The following CA5A variants were observed in gnomAD, a reference collection of about 807,000 sequenced individuals.
The protein encoded by CA5A is carbonic anhydrase 5A, mitochondrial.
In CA5A, 28 loss-of-function variants were observed where a neutral mutation model predicts 37.1. The observed-to-expected ratio is 0.75, with a 90% CI of 0.56 to 1.03. The LOEUF is 1.03. Ranked by LOEUF, CA5A falls within the 50% of genes least tolerant of loss-of-function variation. CA5A has a pLI of 0.00. For synonymous variants in CA5A, 171 were observed against 158.4 expected, an observed-to-expected ratio of 1.08 and a Z score of -0.60; for missense variants, 444 against 399.9, an observed-to-expected ratio of 1.11 and a Z score of -0.94.
intron 2 of CA5A, among the ~76,000 whole-genome samples, chr16:87,910,488 T>G (rs1232080447): frequency 1.3e-5 from 2 of 152,162 alleles, no homozygotes; most frequent in Non-Finnish European, 2.9e-5. Context: ...TCAGCTTTTG[T>G]AGTAGGGTTC....
chr16:87,930,966 C>T (rs1357958214), intron 1 of CA5A, among the ~76,000 whole-genome samples: 5 of 151,824 alleles, frequency 3.3e-5, no homozygotes, highest in Non-Finnish European at 7.4e-5. Context: ...GTCTCGATCT[C>T]CTGACCTTGT....
At chr16:87,914,266 G>A (rs542483543) in intron 2 of CA5A, among the ~76,000 whole-genome samples, 2 of 152,340 alleles carry the variant, frequency 1.3e-5, no homozygotes, top group East Asian at 1.9e-4. Flanking sequence ...AGGCATTACC[G>A]CCTGATGGGG....
intron 6 of CA5A, among the ~76,000 whole-genome samples, chr16:87,890,110 T>C (rs2055691926): frequency 6.6e-6 from 1 of 152,228 alleles, no homozygotes; most frequent in South Asian, 2.1e-4. Flanking sequence ...GCTCCCCTGC[T>C]CAGGATAAGG....
At position 87,895,660 on chromosome 16, in the gene CA5A, T is replaced by C. The variant is rs556513166; in HGVS notation, c.619-3706A>G. On this transcript the variant is annotated intron_variant, in intron 5 of 6. Transcript: ENST00000649794. ...GCCATCCCAAGTCAATTTTAGAACT[T>C]CCACCTCAAGGGGGAAGCTTGGTAC... Among the ~76,000 whole-genome samples the C allele has an allele frequency of 7.7e-4, 118 of 152,334 alleles. 2 individuals carry two copies. The South Asian group carries it at 0.022, about 28-fold the overall frequency.
chr16:87,917,770 GTGCACACA>G (rs546408245), intron 2 of CA5A, among the ~76,000 whole-genome samples: 2,547 of 97,870 alleles, frequency 0.026, 40 homozygotes, highest in South Asian at 0.092. Flanking sequence ...CAGTGCACAT[GTGCACACA>G]TGCACACATG....
At chr16:87,915,086 G>A (rs1597570752) in intron 2 of CA5A, among the ~76,000 whole-genome samples, 1 of 152,322 alleles carries the variant, frequency 6.6e-6, no homozygotes, top group Middle Eastern at 3.4e-3. Context: ...ACTGCCCCAG[G>A]AGCCACCGAA....
intron 5 of CA5A, among the ~76,000 whole-genome samples, chr16:87,899,709 C>A (rs770517724): frequency 6.7e-6 from 1 of 150,330 alleles, no homozygotes; most frequent in Non-Finnish European, 1.5e-5. Flanking sequence ...CACTTGAGGT[C>A]AGGAGTTTGA....
At chr16:87,927,458 G>A (rs959353417) in intron 1 of CA5A, among the ~76,000 whole-genome samples, 1 of 152,200 alleles carries the variant, frequency 6.6e-6, no homozygotes, top group African/African-American at 2.4e-5. Flanking sequence ...GAGGAAATGA[G>A]ACCCCAGTGT....
rs750584466 is a variant in CA5A, at chr16:87,926,767, G to A, written c.321C>T (p.Asp107=). Residue 107 remains aspartate, a synonymous_variant, in exon 2 of 7, where the codon GAC becomes GAT. Transcript: ENST00000649794. ...NTGYLFQVEF[D]DATEASGISG... is the part of the protein sequence containing the mutation. ...ACTCACCTGATGCCTCGGTGGCATC[G>A]TCAAATTCCACCTGGAAGAGGTAGC... 26 of 1,613,548 alleles carry A rather than the reference G, an allele frequency of 1.6e-5. No individual in the cohort carries two copies. The highest frequency in any genetic ancestry group is 4.5e-5 in the East Asian group (2 of 44,876).
chr16:87,901,914 T>C lies in CA5A; in HGVS notation c.616A>G (p.Lys206Glu), dbSNP rs753913199. ...CTGATTTCAAATATGCAGCTTACCT[T>C]ATGTTTTATTTCCGGCAAGATGTCC... ...LVDILPEIKH[K>E]DARAAMRPFD... is the part of the protein sequence containing the mutation. Residue 206 changes from lysine (K) to glutamate (E), a missense_variant and splice_region_variant, in exon 5 of 7, where the codon AAG (lysine) becomes GAG (glutamate). Lys to Glu is a moderately conservative substitution (Grantham distance 56). Transcript: ENST00000649794. 9.6e-5 allele frequency: 155 copies of C among 1,612,522 alleles called. No homozygotes were observed. Among genetic ancestry groups the C allele is most frequent in the Non-Finnish European group, 1.3e-4 (153 of 1,179,122 alleles).
At chr16:87,889,834 A>G (rs2055688182) in intron 6 of CA5A, among the ~76,000 whole-genome samples, 1 of 152,256 alleles carries the variant, frequency 6.6e-6, no homozygotes, top group South Asian at 2.1e-4. Context: ...ACTTGTTCAC[A>G]GAATATACTT....
intron 6 of CA5A, among the ~76,000 whole-genome samples, chr16:87,889,992 C>T (rs1008741107): frequency 2.6e-5 from 4 of 152,150 alleles, no homozygotes; most frequent in Non-Finnish European, 4.4e-5. Context: ...CCTCCTGGGC[C>T]GTGACCACGG....
intron 2 of CA5A, among the ~76,000 whole-genome samples, chr16:87,915,280 C>A (rs1419947361): frequency 1.3e-5 from 2 of 152,214 alleles, no homozygotes; most frequent in African/African-American, 4.8e-5. Flanking sequence ...TCACTGACTG[C>A]TTTCCTCCAA....
chr16:87,895,932 G>C (rs1321117928), intron 5 of CA5A, among the ~76,000 whole-genome samples: 1 of 152,210 alleles, frequency 6.6e-6, no homozygotes, highest in Non-Finnish European at 1.5e-5. Flanking sequence ...TGAAGGAGCA[G>C]ACTGCTTGTG....
rs190237874 is a variant in CA5A, at chr16:87,911,564, G to A, written c.341-6660C>T. On this transcript the variant is annotated intron_variant, in intron 2 of 6. Transcript: ENST00000649794. The surrounding 1 kb of genome is among the most constrained non-coding windows in gnomAD (Gnocchi z 4.6). Reference sequence around the variant, plus strand: ...TGCTGCAAAGGACCGGCCTGCTTCCGGTGCCACTCTGGGAGGTAGTGCACG... The same window carrying A: ...TGCTGCAAAGGACCGGCCTGCTTCCAGTGCCACTCTGGGAGGTAGTGCACG... 3.9e-5 allele frequency among the ~76,000 whole-genome samples: 6 copies of A among 152,194 alleles called. No homozygotes were observed. The highest frequency in any genetic ancestry group is 3.9e-4 in the East Asian group (2 of 5,180).
intron 2 of CA5A, among the ~76,000 whole-genome samples, chr16:87,921,401 C>T (rs1162559716): frequency 6.6e-6 from 1 of 152,248 alleles, no homozygotes; most frequent in Non-Finnish European, 1.5e-5. Context: ...CTTTGCCCTC[C>T]CGTGTGGGCA....
chr16:87,929,642 G>A (rs139731147), intron 1 of CA5A, among the ~76,000 whole-genome samples: 1,667 of 151,980 alleles, frequency 0.011, 29 homozygotes, highest in African/African-American at 0.038. Context: ...GGAGGCCGAG[G>A]TGGGCGGATC....
chr16:87,929,121 G>C (rs897180374), intron 1 of CA5A, among the ~76,000 whole-genome samples: 1 of 150,578 alleles, frequency 6.6e-6, no homozygotes, highest in South Asian at 2.1e-4. Context: ...TAGGTCAAAG[G>C]GTGCATCCAA....
chr16:87,890,123 C>A (rs1180395336), intron 6 of CA5A, among the ~76,000 whole-genome samples: 5 of 152,238 alleles, frequency 3.3e-5, no homozygotes, highest in Admixed American at 2.6e-4. Context: ...GGATAAGGGG[C>A]TCCTGCCCTG....
Sources: gnomAD v4.1 joint callset for allele counts (sites outside exome capture counted in the v4.1 genomes callset) on GRCh38, gnomAD v4.1.1 for gene constraint, Gnocchi (gnomAD v3.1) non-coding constraint, MANE v1.5 for transcripts, NCBI Gene and HGNC (gene_info 2026-07-23, HGNC 2026-07-21) for gene names.